TLK1: variants seen among roughly 807,000 people sequenced by gnomAD.
The protein encoded by TLK1 is tousled like kinase 1, also known as serine/threonine-protein kinase tousled-like 1.
A neutral mutation model predicts 105.3 loss-of-function variants in TLK1; 24 were observed. The ratio of observed to expected loss-of-function variants is 0.23; its 90% confidence interval spans 0.17 to 0.32. The LOEUF (loss-of-function observed/expected upper bound fraction) is 0.32. Ranked by LOEUF, TLK1 falls within the 10% of genes least tolerant of loss-of-function variation. TLK1 has a pLI of 1.00. For missense variants in TLK1, 558 were observed against 910.5 expected (o/e 0.61, Z 4.98); for synonymous variants, 321 against 310.4 (o/e 1.03, Z -0.36).
At chr2:171,037,179 C>T (rs35900609) in intron 11 of TLK1, among the ~76,000 whole-genome samples, 28,603 of 151,858 alleles carry the variant, frequency 0.19, 3,035 homozygotes, top group Non-Finnish European at 0.24. Flanking sequence ...CGTTGGCTCA[C>T]GCTTGTAATC....
chr2:171,174,617 C>T (rs1346552188), intron 1 of TLK1, among the ~76,000 whole-genome samples: 1 of 152,068 alleles, frequency 6.6e-6, no homozygotes, highest in African/African-American at 2.4e-5. Flanking sequence ...GCATGTCCTC[C>T]TCCTCCACTA....
intron 1 of TLK1, among the ~76,000 whole-genome samples, chr2:171,204,913 A>G (rs1440205466): frequency 6.6e-6 from 1 of 151,998 alleles, no homozygotes; most frequent in East Asian, 1.9e-4. Flanking sequence ...AGAGCGTGCC[A>G]CTGCACCCCA....
At chr2:171,086,253 T>A (rs1315568364) in intron 2 of TLK1, among the ~76,000 whole-genome samples, 1 of 151,762 alleles carries the variant, frequency 6.6e-6, no homozygotes, top group Non-Finnish European at 1.5e-5. Context: ...TATATATAAA[T>A]CCTGGAAAAA....
At chr2:171,040,774 G>A in intron 11 of TLK1, among the ~76,000 whole-genome samples, 1 of 151,778 alleles carries the variant, frequency 6.6e-6, no homozygotes, top group Non-Finnish European at 1.5e-5. Flanking sequence ...ATGGGGTCCT[G>A]CTATGTTGCC....
Position 171,090,361 on chromosome 2 carries a change from AGTTT to A in TLK1, c.259-7513_259-7510del, listed in dbSNP as rs1265362985. ...AATGACCTTAACTAATTTACTTATT[AGTTT>A]TAATTATTTTTAGATTCCTTGTGAT... On this transcript the variant is annotated intron_variant, in intron 2 of 20. Coordinates refer to ENST00000431350, the MANE Select transcript of TLK1 (RefSeq NM_012290.5). 5.1e-3 allele frequency among the ~76,000 whole-genome samples: 308 copies of A among 59,968 alleles called. 2 individuals carry two copies. The highest frequency in any genetic ancestry group is 0.035 in the African/African-American group (300 of 8,486). The allele number at this position is 59,968 out of a possible 152,430, so 39.3% of individuals were successfully genotyped here.
chr2:171,132,886 A>C (rs1249909135), intron 1 of TLK1, among the ~76,000 whole-genome samples: 1 of 152,100 alleles, frequency 6.6e-6, no homozygotes, highest in Non-Finnish European at 1.5e-5. Flanking sequence ...CAAAACACTA[A>C]ATCTAAATCT....
rs557403468 is a variant in TLK1, at chr2:171,061,060, A to T, written c.406+21T>A. ...ATTTTAAGTGTCCACTAGGCTCTGAAGGAAGATGTTATGTGCTTACCCTGA... is the reference window on the plus strand; with the variant it reads ...ATTTTAAGTGTCCACTAGGCTCTGATGGAAGATGTTATGTGCTTACCCTGA... On this transcript the variant is annotated intron_variant, in intron 4 of 20. Transcript: ENST00000431350. 5 of 1,608,112 alleles carry T rather than the reference A, an allele frequency of 3.1e-6. No individual in the cohort carries two copies. The South Asian group carries it at 5.5e-5, about 18-fold the overall frequency.
intron 2 of TLK1, among the ~76,000 whole-genome samples, chr2:171,110,961 T>C (rs886570829): frequency 1.3e-5 from 2 of 151,858 alleles, no homozygotes; most frequent in African/African-American, 4.8e-5. Flanking sequence ...TATATACAAG[T>C]AAATAAACTA....
intron 1 of TLK1, among the ~76,000 whole-genome samples, chr2:171,208,976 A>T (rs1693559043): frequency 6.6e-6 from 1 of 152,246 alleles, no homozygotes; most frequent in Non-Finnish European, 1.5e-5. Flanking sequence ...AAAATTAGAG[A>T]CAACCTTGTA....
intron 1 of TLK1, among the ~76,000 whole-genome samples, chr2:171,132,383 G>A (rs950728078): frequency 2.6e-5 from 4 of 151,912 alleles, no homozygotes; most frequent in African/African-American, 9.7e-5. Flanking sequence ...ATGAGATTTG[G>A]ATGGCGACAC....
chr2:171,072,842 T>C (rs553633922), intron 3 of TLK1, among the ~76,000 whole-genome samples: 1 of 151,674 alleles, frequency 6.6e-6, no homozygotes, highest in Non-Finnish European at 1.5e-5. Context: ...GGCAGGAGAA[T>C]TGCTTGAACC....
chr2:170,998,089 T>TCTATCTAC (rs1334241211), intron 18 of TLK1, among the ~76,000 whole-genome samples: 14 of 101,718 alleles, frequency 1.4e-4, no homozygotes, highest in African/African-American at 4.9e-4. Context: ...TATCTATCTA[T>TCTATCTAC]CTACCTACCT....
intron 1 of TLK1, among the ~76,000 whole-genome samples, chr2:171,191,093 G>A (rs537221279): frequency 2.0e-4 from 30 of 151,958 alleles, no homozygotes; most frequent in Admixed American, 6.6e-4. Flanking sequence ...CCAGGAGGTG[G>A]AGGTTGCAAT....
At chr2:170,997,850 G>A in intron 18 of TLK1, 27 bp from the exon 19 acceptor site, 2 of 1,365,878 alleles carry the variant, frequency 1.5e-6, no homozygotes, top group East Asian at 2.3e-5. Context: ...AGAGAAAAAA[G>A]GTTACTACTG....
chr2:171,195,240 A>C (rs929398914), intron 1 of TLK1, among the ~76,000 whole-genome samples: 6 of 152,154 alleles, frequency 3.9e-5, no homozygotes, highest in Admixed American at 3.9e-4. Context: ...GCGGTGGCTC[A>C]CGCCTGTAAT....
At chr2:171,050,427 TA>T (rs1272659936) in intron 8 of TLK1, among the ~76,000 whole-genome samples, 1 of 152,166 alleles carries the variant, frequency 6.6e-6, no homozygotes, top group Non-Finnish European at 1.5e-5. Context: ...ACTCTAAGGT[TA>T]ACTTTGGCTA....
exon 1 of TLK1, chr2:171,231,236 TTC>T (rs1324573112): frequency 1.3e-5 from 2 of 152,228 alleles, no homozygotes; most frequent in African/African-American, 4.8e-5. Flanking sequence ...TAGGAGTCTG[TTC>T]TGTGCCTCTC....
intron 1 of TLK1, among the ~76,000 whole-genome samples, chr2:171,197,312 G>A (rs1693293900): frequency 6.6e-6 from 1 of 152,026 alleles, no homozygotes; most frequent in Non-Finnish European, 1.5e-5. Flanking sequence ...AGCATTTGAG[G>A]AAAAGGAAAC....
At chr2:171,230,763 T>C (rs1693981934) in intron 1 of TLK1, among the ~76,000 whole-genome samples, 1 of 152,206 alleles carries the variant, frequency 6.6e-6, no homozygotes, top group Non-Finnish European at 1.5e-5. Flanking sequence ...AAATGTTGAT[T>C]CTGGGCTTGA....
Sources: allele counts gnomAD v4.1 joint callset (sites outside exome capture counted in the v4.1 genomes callset), GRCh38; gene constraint gnomAD v4.1.1; transcripts MANE v1.5; gene names NCBI Gene and HGNC (gene_info 2026-07-23, HGNC 2026-07-21).